Variants in ERI3 observed in about 807,000 individuals in gnomAD.
The protein encoded by ERI3 is ERI1 exoribonuclease family member 3, also known as ERI1 exoribonuclease 3.
In ERI3, 18 loss-of-function variants were observed where a neutral mutation model predicts 44.4. That is an observed-to-expected ratio of 0.41 (90% CI 0.28 to 0.60). ERI3 has a LOEUF of 0.60. Among genes scored for constraint, ERI3 ranks in the 20% least tolerant of loss-of-function variants. ERI3 has a pLI of 0.36. For synonymous variants in ERI3, 183 were observed against 164.8 expected (o/e 1.11, Z -0.84); for missense variants, 294 against 435.5 (o/e 0.68, Z 2.89).
At chr1:44,222,704 G>A (rs1325745873) in intron 8 of ERI3, among the ~76,000 whole-genome samples, 5 of 152,180 alleles carry the variant, frequency 3.3e-5, no homozygotes, top group Non-Finnish European at 7.3e-5. Flanking sequence ...GCCCACAGCA[G>A]CCACCAAACT....
chr1:44,222,477 C>T (rs1365588900), intron 8 of ERI3, among the ~76,000 whole-genome samples: 1 of 152,212 alleles, frequency 6.6e-6, no homozygotes, highest in African/African-American at 2.4e-5. Context: ...CAGACTCTAT[C>T]ACAAACAGTT....
intron 7 of ERI3, among the ~76,000 whole-genome samples, chr1:44,258,294 T>A (rs572084020): frequency 6.6e-6 from 1 of 152,342 alleles, no homozygotes; most frequent in Admixed American, 6.5e-5. Flanking sequence ...GTTTCTAAAG[T>A]GCTTTCCAAA....
At chr1:44,250,679 G>A (rs1644659868) in intron 7 of ERI3, among the ~76,000 whole-genome samples, 1 of 152,132 alleles carries the variant, frequency 6.6e-6, no homozygotes, top group Non-Finnish European at 1.5e-5. Flanking sequence ...CCCAGATAAG[G>A]CGTGATAACC....
chr1:44,259,908 TAGATAGATAGATAGACAGAC>T (rs1399088648), intron 7 of ERI3, among the ~76,000 whole-genome samples: 2 of 146,506 alleles, frequency 1.4e-5, no homozygotes, highest in Non-Finnish European at 3.0e-5. Flanking sequence ...GATAGATAGA[TAGATAGATAGATAGACAGAC>T]AGACAGACAG....
intron 3 of ERI3, among the ~76,000 whole-genome samples, chr1:44,328,582 TTTCAG>T (rs1646363922): frequency 1.3e-5 from 2 of 152,194 alleles, no homozygotes; most frequent in South Asian, 4.1e-4. Flanking sequence ...GCAGGTTCTA[TTTCAG>T]TATATTTAGT....
intron 1 of ERI3, 70 bp downstream of exon 1, chr1:44,354,822 G>A: frequency 2.3e-6 from 3 of 1,308,068 alleles, no homozygotes; most frequent in Non-Finnish European, 2.9e-6. Flanking sequence ...TAAATTCTGC[G>A]CACCGCGACC....
chr1:44,254,801 CAG>C (rs1010021385), intron 7 of ERI3, among the ~76,000 whole-genome samples: 2 of 151,880 alleles, frequency 1.3e-5, no homozygotes, highest in Non-Finnish European at 2.9e-5. Context: ...CCTGTTCTAA[CAG>C]GGGAGACACT....
intron 7 of ERI3, among the ~76,000 whole-genome samples, chr1:44,262,019 C>G (rs1265765484): frequency 6.6e-6 from 1 of 152,206 alleles, no homozygotes; most frequent in Non-Finnish European, 1.5e-5. Flanking sequence ...GCTCTGTCCT[C>G]ACATCTTTCC....
rs1644838825 is a variant in ERI3 at position 44,259,276 on chromosome 1, CCTGGCTGCCTGGCTGA to C, written c.832-11254_832-11239del. Among the ~76,000 whole-genome samples the C allele has an allele frequency of 2.0e-5, 3 of 152,114 alleles. No homozygotes were observed. In the South Asian group the frequency reaches 6.2e-4, roughly 32 times the overall value. On this transcript the variant is annotated intron_variant, in intron 7 of 8. Coordinates refer to ENST00000372257, the MANE Select transcript of ERI3 (RefSeq NM_024066.3). The stretch of plus-strand genomic sequence containing the variant: ...CAGGTAAGTAGAAGCTGGCTGGCTG[CCTGGCTGCCTGGCTGA>C]CTGATTGGAGGTGGGGTGGGGGAAG...
At chr1:44,346,205 T>C (rs1234861094) in intron 2 of ERI3, among the ~76,000 whole-genome samples, 6 of 152,226 alleles carry the variant, frequency 3.9e-5, no homozygotes, top group African/African-American at 1.4e-4. Context: ...GGCACAGCTA[T>C]GGAGAGCTCC....
chr1:44,302,927 T>C (rs2154326996), intron 6 of ERI3, among the ~76,000 whole-genome samples: 1 of 152,366 alleles, frequency 6.6e-6, no homozygotes, highest in East Asian at 1.9e-4. Flanking sequence ...TAGGCGTCAG[T>C]TTCCTCATTT....
intron 6 of ERI3, among the ~76,000 whole-genome samples, chr1:44,300,725 C>T (rs6673792): frequency 0.072 from 10,893 of 152,200 alleles, 1,298 homozygotes; most frequent in African/African-American, 0.25. Context: ...GTTCTGGGCC[C>T]GGGGACATGT....
At chr1:44,257,256 A>G (rs189952512) in intron 7 of ERI3, among the ~76,000 whole-genome samples, 2 of 152,272 alleles carry the variant, frequency 1.3e-5, no homozygotes, top group Admixed American at 6.5e-5. Flanking sequence ...TTACATCTCT[A>G]TAATTAACAA....
At chr1:44,226,778 AACACACACACACACACAC>A (rs60011057) in intron 8 of ERI3, among the ~76,000 whole-genome samples, 4 of 143,470 alleles carry the variant, frequency 2.8e-5, no homozygotes, top group African/African-American at 1.0e-4. Context: ...AGCATTATTA[AACACACACACACACACAC>A]ACACACACAC....
chr1:44,355,073 G>GC lies in ERI3; in HGVS notation c.-48dup. ...CCAGCGCGGCAGGCTCCCTCCAGGTGCAGGCCCCGACGTCTCCCTCGGCCT... is the reference window on the plus strand; with the variant it reads ...CCAGCGCGGCAGGCTCCCTCCAGGTGCCAGGCCCCGACGTCTCCCTCGGCCT... On this transcript the variant is annotated 5_prime_UTR_variant, in exon 1 of 9. Transcript: ENST00000372257. The GC allele has an allele frequency of 7.6e-7, 1 of 1,310,076 alleles. No individual in the cohort carries two copies. The highest frequency in any genetic ancestry group is 3.8e-5 in the Admixed American group (1 of 26,158). 81.2% of individuals were successfully genotyped at this position (1,310,076 alleles called of 1,614,324 possible).
At chr1:44,348,981 AC>A (rs1439395507) in intron 2 of ERI3, among the ~76,000 whole-genome samples, 1 of 152,208 alleles carries the variant, frequency 6.6e-6, no homozygotes, top group East Asian at 1.9e-4. Flanking sequence ...TTTGAGAGGC[AC>A]TTTACAAAGA....
chr1:44,239,930 C>T (rs1225256664), intron 8 of ERI3, among the ~76,000 whole-genome samples: 2 of 152,226 alleles, frequency 1.3e-5, no homozygotes, highest in East Asian at 1.9e-4. Context: ...GCTCCCCGCC[C>T]GCCCCTTGCC....
At chr1:44,316,640 T>C (rs1008467757) in intron 4 of ERI3, among the ~76,000 whole-genome samples, 1 of 152,204 alleles carries the variant, frequency 6.6e-6, no homozygotes, top group Non-Finnish European at 1.5e-5. Context: ...TTGTCTCTGG[T>C]GTGCAATCTG....
At chr1:44,226,788 CA>C (rs1360108884) in intron 8 of ERI3, among the ~76,000 whole-genome samples, 1 of 150,892 alleles carries the variant, frequency 6.6e-6, no homozygotes. Flanking sequence ...AACACACACA[CA>C]CACACACACA....
Sources: allele counts gnomAD v4.1 joint callset (sites outside exome capture counted in the v4.1 genomes callset), GRCh38; gene constraint gnomAD v4.1.1; transcripts MANE v1.5; gene names NCBI Gene and HGNC (gene_info 2026-07-23, HGNC 2026-07-21).